Variants in PDE8B observed in about 807,000 individuals in gnomAD.
PDE8B encodes the protein high affinity cAMP-specific and IBMX-insensitive 3',5'-cyclic phosphodiesterase 8B.
Under a neutral mutation model 101.3 loss-of-function variants are expected in PDE8B, and 26 were observed. That is an observed-to-expected ratio of 0.26 (90% CI 0.19 to 0.36). The LOEUF is 0.36. Among genes scored for constraint, PDE8B ranks in the 10% least tolerant of loss-of-function variants. The probability of loss-of-function intolerance (pLI) is 1.00; values close to 1 mark genes in which losing one functional copy is unlikely to be tolerated. For missense variants in PDE8B, 810 were observed against 1,163.1 expected, an observed-to-expected ratio of 0.70 and a Z score of 4.42; for synonymous variants, 424 against 429.3, an observed-to-expected ratio of 0.99 and a Z score of 0.15.
At chr5:77,270,643 C>T (rs1214220611) in intron 1 of PDE8B, among the ~76,000 whole-genome samples, 2 of 152,122 alleles carry the variant, frequency 1.3e-5, no homozygotes, top group Admixed American at 6.5e-5. Context: ...AACAAGATAC[C>T]TAGGGGGCAT....
the PDE8B span, among the ~76,000 whole-genome samples, chr5:77,093,887 G>A: frequency 6.6e-6 from 1 of 152,108 alleles, no homozygotes; most frequent in Non-Finnish European, 1.5e-5. Context: ...TAATCCCACT[G>A]TGGATTATGT....
rs981856794 is a variant in PDE8B at position 77,375,893 on chromosome 5, T to C, written c.1167+22487T>C. On this transcript the variant is annotated intron_variant, in intron 10 of 21. Coordinates refer to ENST00000264917, the MANE Select transcript of PDE8B (RefSeq NM_003719.5). Reference sequence around the variant, plus strand: ...ACTCACTTTGTGCCTTGATTTCTTTTTTTTTTTTTTTTTTTTGAGGCGGAG... The same window carrying C: ...ACTCACTTTGTGCCTTGATTTCTTTCTTTTTTTTTTTTTTTTGAGGCGGAG... Among the ~76,000 whole-genome samples, 7 of 142,440 alleles carry C rather than the reference T, an allele frequency of 4.9e-5. No individual in the cohort carries two copies. The South Asian group carries it at 6.9e-4, about 14-fold the overall frequency. The allele number at this position is 142,440 out of a possible 152,430, so 93.4% of individuals were successfully genotyped here. A position where few individuals can be genotyped will look rare whatever the true frequency, so the allele number is the denominator to read the frequency against.
At chr5:77,133,928 G>A in the PDE8B span, among the ~76,000 whole-genome samples, 1 of 152,154 alleles carries the variant, frequency 6.6e-6, no homozygotes, top group South Asian at 2.1e-4. Flanking sequence ...GTCCTGGAAG[G>A]TTCCACAGTT....
chr5:77,331,345 G>A, intron 4 of PDE8B, 57 bp from the exon 5 acceptor site: 1 of 1,454,660 alleles, frequency 6.9e-7, no homozygotes, highest in African/African-American at 1.4e-5. Flanking sequence ...CCGTGTTTCA[G>A]TGTGAGGAAT....
intron 1 of PDE8B, among the ~76,000 whole-genome samples, chr5:77,260,778 G>A (rs1760419512): frequency 6.6e-6 from 1 of 151,852 alleles, no homozygotes; most frequent in African/African-American, 2.4e-5. Context: ...ATTAATAGTA[G>A]AGATGGAGTT....
chr5:77,338,351 G>A (rs1778568439), intron 6 of PDE8B, among the ~76,000 whole-genome samples: 1 of 152,176 alleles, frequency 6.6e-6, no homozygotes, highest in Non-Finnish European at 1.5e-5. Flanking sequence ...GGTGCACCCT[G>A]GTCAGGGAAG....
At chr5:77,352,752 G>T (rs972940654) in intron 9 of PDE8B, among the ~76,000 whole-genome samples, 1 of 152,172 alleles carries the variant, frequency 6.6e-6, no homozygotes, top group Non-Finnish European at 1.5e-5. Context: ...ACTGTGAGCT[G>T]ATTTTTGCAT....
At chr5:77,221,659 A>G (rs1375681764) in intron 1 of PDE8B, among the ~76,000 whole-genome samples, 1 of 152,214 alleles carries the variant, frequency 6.6e-6, no homozygotes, top group African/African-American at 2.4e-5. Flanking sequence ...ATGCCTCAAG[A>G]AACTTTTTTC....
At chr5:77,224,477 C>G (rs1215536065) in intron 1 of PDE8B, among the ~76,000 whole-genome samples, 4 of 152,124 alleles carry the variant, frequency 2.6e-5, no homozygotes, top group Non-Finnish European at 5.9e-5. Context: ...CCTACTTTCC[C>G]CCATACTTTG....
rs779806540 is a variant in PDE8B at position 77,418,282 on chromosome 5, T to C, written c.1965T>C (p.His655=). 3 of 1,613,906 alleles carry C rather than the reference T, an allele frequency of 1.9e-6. No homozygotes were observed. Among genetic ancestry groups the C allele is most frequent in the South Asian group, 1.1e-5 (1 of 91,084 alleles). The change falls in exon 18 of 22, where the codon CAT becomes CAC. Residue 655 remains histidine (H), a synonymous_variant. Transcript: ENST00000264917. ...CAGCCCTCATTGCTGCCACAGTCCA[T>C]GACGTGGATCACCCGGGAAGGACCA... ...EVAALIAATV[H]DVDHPGRTNS...
At chr5:77,386,765 G>C (rs529729894) in intron 10 of PDE8B, among the ~76,000 whole-genome samples, 1 of 151,094 alleles carries the variant, frequency 6.6e-6, no homozygotes, top group African/African-American at 2.4e-5. Context: ...TGGGGCATTT[G>C]GCCCATTTAC....
At chr5:77,299,429 C>G (rs1028903886) in intron 1 of PDE8B, among the ~76,000 whole-genome samples, 1 of 125,848 alleles carries the variant, frequency 7.9e-6, no homozygotes. Flanking sequence ...CCCCTCCCCC[C>G]ACCCCACAAC....
chr5:77,114,341 A>AT, the PDE8B span: 1 of 152,192 alleles, frequency 6.6e-6, no homozygotes, highest in African/African-American at 2.4e-5. Context: ...ATAAAAAAGG[A>AT]TGAGTTCATG....
chr5:77,307,011 C>T (rs186453938), intron 1 of PDE8B, among the ~76,000 whole-genome samples: 1 of 152,268 alleles, frequency 6.6e-6, no homozygotes, highest in Admixed American at 6.5e-5. Context: ...GTTTGATTTT[C>T]CCAAGTCACA....
chr5:77,255,804 C>G (rs1759024763), intron 1 of PDE8B, among the ~76,000 whole-genome samples: 1 of 152,210 alleles, frequency 6.6e-6, no homozygotes, highest in African/African-American at 2.4e-5. Context: ...AGTGGGGCCT[C>G]TCGTCTACTA....
the PDE8B span, among the ~76,000 whole-genome samples, chr5:77,091,191 T>A: frequency 1.3e-5 from 2 of 152,216 alleles, no homozygotes; most frequent in African/African-American, 2.4e-5. Context: ...ATTTAAAATG[T>A]TCCCAATACA....
intron 4 of PDE8B, 147 bp from the exon 5 acceptor site, chr5:77,331,255 A>C (rs1777064279): frequency 1.3e-6 from 1 of 764,886 alleles, no homozygotes; most frequent in Admixed American, 1.7e-5. Flanking sequence ...GTATCCTTGA[A>C]GGCAGGTGTG....
chr5:77,236,650 G>A (rs528291436), intron 1 of PDE8B, among the ~76,000 whole-genome samples: 1 of 152,346 alleles, frequency 6.6e-6, no homozygotes, highest in South Asian at 2.1e-4. Flanking sequence ...GTTTCAGTGT[G>A]GTGATGGAGG....
At chr5:77,232,083 C>G (rs1426443157) in intron 1 of PDE8B, among the ~76,000 whole-genome samples, 1 of 152,350 alleles carries the variant, frequency 6.6e-6, no homozygotes, top group African/African-American at 2.4e-5. Context: ...CAGTAATCAA[C>G]TGTTTTACAG....
Sources: gnomAD v4.1 joint callset for allele counts (sites outside exome capture counted in the v4.1 genomes callset) on GRCh38, gnomAD v4.1.1 for gene constraint, MANE v1.5 for transcripts, NCBI Gene and HGNC (gene_info 2026-07-23, HGNC 2026-07-21) for gene names.